The following SMC1A variants were observed in gnomAD, a reference collection of about 807,000 sequenced individuals.
SMC1A encodes structural maintenance of chromosomes protein 1A.
Under a neutral mutation model 94.5 loss-of-function variants are expected in SMC1A, and 4 were observed. The observed-to-expected ratio is 0.04, with a 90% CI of 0.02 to 0.10. SMC1A has a LOEUF of 0.10. Among genes scored for constraint, SMC1A ranks in the 10% least tolerant of loss-of-function variants. The pLI, the probability that SMC1A is intolerant of heterozygous loss-of-function variation, is 1.00. For synonymous variants in SMC1A, 345 were observed against 347.7 expected (o/e 0.99, Z 0.09); for missense variants, 304 against 989.0 (o/e 0.31, Z 9.29).
chrX:53,387,466 A>C (rs1556886584), intron 19 of SMC1A, among the ~76,000 whole-genome samples: 1 of 112,394 alleles, frequency 8.9e-6, no homozygotes, highest in Non-Finnish European at 1.9e-5. Flanking sequence ...ATTTCAATTC[A>C]AAGTATCAAT....
chrX:53,381,702 G>A (rs1177754190), intron 22 of SMC1A: 1 of 158,346 alleles, frequency 6.3e-6, no homozygotes, highest in Non-Finnish European at 1.2e-5. Context: ...TGAGCTCCTC[G>A]AGGCCAGAGA....
At chrX:53,410,485 C>T (rs2075706958) in intron 7 of SMC1A, among the ~76,000 whole-genome samples, 3 of 109,996 alleles carry the variant, frequency 2.7e-5, no homozygotes, top group South Asian at 4.0e-4. Flanking sequence ...CCCACCTACA[C>T]GGGTGGCTGA....
At chrX:53,398,267 C>T (rs1397336316) in intron 16 of SMC1A, among the ~76,000 whole-genome samples, 1 of 108,612 alleles carries the variant, frequency 9.2e-6, no homozygotes, top group African/African-American at 3.3e-5. Flanking sequence ...CAGAAACAAG[C>T]GACAAACATA....
At chrX:53,385,839 A>T (rs2075602673) in intron 19 of SMC1A, among the ~76,000 whole-genome samples, 1 of 112,291 alleles carries the variant, frequency 8.9e-6, no homozygotes, top group Admixed American at 9.5e-5. Context: ...TAACTATTAA[A>T]GCAAAATTAA....
chrX:53,419,167 G>C (rs1229847784), intron 1 of SMC1A, among the ~76,000 whole-genome samples: 1 of 108,883 alleles, frequency 9.2e-6, no homozygotes, highest in Non-Finnish European at 1.9e-5. Context: ...CTGAAGATCT[G>C]ATTTCCAACA....
intron 7 of SMC1A, among the ~76,000 whole-genome samples, 155 bp from the exon 8 acceptor site, chrX:53,409,658 T>C (rs2075703914): frequency 1.8e-5 from 2 of 110,586 alleles, no homozygotes; most frequent in South Asian, 7.7e-4. Context: ...AAAGCAGACA[T>C]AGATGGTGTT....
intron 19 of SMC1A, among the ~76,000 whole-genome samples, chrX:53,387,954 A>C (rs1262761644): frequency 1.8e-5 from 2 of 111,529 alleles, no homozygotes; most frequent in Non-Finnish European, 3.8e-5. Flanking sequence ...AATCAAGCAT[A>C]TATAGCCTGC....
chrX:53,422,003 T>C (rs782006868), intron 1 of SMC1A: 18 of 1,206,071 alleles, frequency 1.5e-5, no homozygotes, highest in Admixed American at 2.2e-5. Context: ...TAGAAAGGAG[T>C]TGGAGTGTAC....
Position 53,409,263 on chromosome X carries a change from G to A in SMC1A, c.1344C>T (p.Ser448=). Reference sequence around the variant, plus strand: ...CCTCTAGCTTCTTCTGCTCTTCTAGGGACTGCCTACAAAGTGAGGGCACAC... The same window carrying A: ...CCTCTAGCTTCTTCTGCTCTTCTAGAGACTGCCTACAAAGTGAGGGCACAC... ...LEEYITTSKQ[S]LEEQKKLEGE... The change falls in exon 9 of 25, where the codon TCC becomes TCT. Residue 448 remains serine, a synonymous_variant. Coordinates refer to ENST00000322213, the MANE Select transcript of SMC1A (RefSeq NM_006306.4). 1 of 1,206,202 alleles carries A rather than the reference G, an allele frequency of 8.3e-7. No individual in the cohort carries two copies. The highest frequency in any genetic ancestry group is 3.0e-5 in the East Asian group (1 of 33,697).
At chrX:53,395,014 C>G (rs1556887825) in intron 18 of SMC1A, 126 bp from the exon 19 acceptor site, 28 of 512,293 alleles carry the variant, frequency 5.5e-5, no homozygotes, top group Non-Finnish European at 3.9e-5. Flanking sequence ...GCAGAAGGAA[C>G]AGAGGCTTTG....
intron 16 of SMC1A, among the ~76,000 whole-genome samples, chrX:53,398,574 A>T (rs1486657775): frequency 9.0e-6 from 1 of 111,332 alleles, no homozygotes; most frequent in Non-Finnish European, 1.9e-5. Flanking sequence ...TTTAATTTTT[A>T]ACTTTGTCTT....
intron 1 of SMC1A, among the ~76,000 whole-genome samples, chrX:53,415,666 C>CA (rs1280908265): frequency 0.02 from 1,296 of 64,109 alleles, 23 homozygotes; most frequent in African/African-American, 0.058. Flanking sequence ...GACTCCATCT[C>CA]AAAAAAAAAA....
In SMC1A at chrX:53,413,023, G is replaced by A. The variant is rs2075719521; in HGVS notation, c.731C>T (p.Ser244Leu). Residue 244 changes from serine (S) to leucine (L), a missense_variant, in exon 5 of 25, where the codon TCA becomes TTA. Transcript: ENST00000322213. ...GTCCTTCTCGATCTCCTTGTTCTTTGAGGCCAGTTCCTTGTTGAGCTTCTC... is the reference window on the plus strand; with the variant it reads ...GTCCTTCTCGATCTCCTTGTTCTTTAAGGCCAGTTCCTTGTTGAGCTTCTC... ...EIEKLNKELA[S>L]KNKEIEKDKK... 1 of 1,210,368 alleles carries A rather than the reference G, an allele frequency of 8.3e-7. No homozygotes were observed. Among genetic ancestry groups the A allele is most frequent in the Non-Finnish European group, 1.1e-6 (1 of 894,568 alleles).
chrX:53,421,856 G>C, intron 1 of SMC1A: 1 of 1,131,868 alleles, frequency 8.8e-7, no homozygotes, highest in East Asian at 3.3e-5. Flanking sequence ...GCTTTTGACG[G>C]TTTCGGTGGT....
chrX:53,419,480 T>C (rs1325593162), intron 1 of SMC1A, among the ~76,000 whole-genome samples: 2 of 108,382 alleles, frequency 1.8e-5, no homozygotes, highest in African/African-American at 3.4e-5. Context: ...TGAGCCATGA[T>C]TGTGCCACTG....
intron 9 of SMC1A, among the ~76,000 whole-genome samples, chrX:53,406,856 C>A (rs1221059729): frequency 9.0e-6 from 1 of 111,381 alleles, no homozygotes; most frequent in African/African-American, 3.3e-5. Flanking sequence ...CGCCACCATG[C>A]CCGGCTAATT....
chrX:53,421,330 A>AAACATCCTACAATGCACAGAG (rs1341889984), intron 1 of SMC1A, among the ~76,000 whole-genome samples: 42 of 112,025 alleles, frequency 3.7e-4, no homozygotes, highest in Admixed American at 2.1e-3. Flanking sequence ...AGATGCTGTT[A>AAACATCCTACAATGCACAGAG]AACATCCTAC....
At chrX:53,392,057 TA>T (rs781954007) in intron 19 of SMC1A, among the ~76,000 whole-genome samples, 7 of 110,121 alleles carry the variant, frequency 6.4e-5, no homozygotes, top group Admixed American at 4.9e-4. Flanking sequence ...GATAAGGACT[TA>T]AAAAAAATAG....
rs2075574103 is a variant in SMC1A at position 53,379,642 on chromosome X, C to A, written c.*461G>T. 7.2e-6 allele frequency: 1 copy of A among 138,277 alleles called. No homozygotes were observed. The highest frequency in any genetic ancestry group is 3.1e-5 in the African/African-American group (1 of 32,064). 11.4% of individuals were successfully genotyped at this position (138,277 alleles called of 1,213,427 possible). On this transcript the variant is annotated 3_prime_UTR_variant, in exon 25 of 25. Coordinates refer to ENST00000322213, the MANE Select transcript of SMC1A (RefSeq NM_006306.4). Reference sequence around the variant, plus strand: ...AGGTCCTGAGTACCTTTGCCCAGCTCAGGGGTGCTGTCATCCTAAGCTCTC... The same window carrying A: ...AGGTCCTGAGTACCTTTGCCCAGCTAAGGGGTGCTGTCATCCTAAGCTCTC...
Sources: allele counts gnomAD v4.1 joint callset (sites outside exome capture counted in the v4.1 genomes callset), GRCh38; gene constraint gnomAD v4.1.1; transcripts MANE v1.5; gene names NCBI Gene and HGNC (gene_info 2026-07-23, HGNC 2026-07-21).